CMC2: variants seen among roughly 807,000 people sequenced by gnomAD.
CMC2 encodes COX assembly mitochondrial protein 2 homolog.
In CMC2, 5 loss-of-function variants were observed where a neutral mutation model predicts 7.5. The observed-to-expected ratio is 0.66, with a 90% CI of 0.35 to 1.40. The LOEUF (loss-of-function observed/expected upper bound fraction) is 1.40, where lower values mean the gene tolerates loss of function less well. Ranked by LOEUF, CMC2 falls within the 40% of genes most tolerant of loss-of-function variation. The probability of loss-of-function intolerance (pLI) is 0.04; values close to 1 mark genes in which losing one functional copy is unlikely to be tolerated. For missense variants in CMC2, 115 were observed against 92.3 expected, an observed-to-expected ratio of 1.25 and a Z score of -1.01; for synonymous variants, 37 against 31.4, an observed-to-expected ratio of 1.18 and a Z score of -0.60.
intron 2 of CMC2, among the ~76,000 whole-genome samples, chr16:80,991,314 A>C (rs1224881068): frequency 1.3e-5 from 2 of 152,036 alleles, no homozygotes; most frequent in Non-Finnish European, 2.9e-5. Context: ...AAGAGTTATG[A>C]AAAGGGAGAA....
chr16:81,004,285 C>G (rs1969078223), intron 1 of CMC2, among the ~76,000 whole-genome samples: 1 of 152,162 alleles, frequency 6.6e-6, no homozygotes, highest in Non-Finnish European at 1.5e-5. Context: ...AACATAAGAC[C>G]TCGTTCTTGG....
chr16:80,997,478 C>T, intron 1 of CMC2, 49 bp from the exon 2 acceptor site: 2 of 944,838 alleles, frequency 2.1e-6, no homozygotes, highest in Admixed American at 1.8e-5. Context: ...TTTGTTACGC[C>T]ACCTAAAAGT....
At chr16:80,981,326 G>T (rs1241526048) in intron 3 of CMC2, among the ~76,000 whole-genome samples, 1 of 152,154 alleles carries the variant, frequency 6.6e-6, no homozygotes, top group East Asian at 1.9e-4. Flanking sequence ...TTCAGGAGAT[G>T]ACAGTGTTCC....
intron 3 of CMC2, chr16:80,978,543 C>A (rs1167855224): frequency 5.4e-6 from 2 of 371,796 alleles, no homozygotes; most frequent in South Asian, 2.3e-5. Context: ...AAAGAGAATG[C>A]CACAAAAGTA....
chr16:80,986,597 A>G (rs1967558471), intron 2 of CMC2, among the ~76,000 whole-genome samples: 1 of 152,236 alleles, frequency 6.6e-6, no homozygotes, highest in Non-Finnish European at 1.5e-5. Context: ...GGCCCCAATA[A>G]AAGTGTTGCC....
Position 80,975,990 on chromosome 16 carries a change from C to G in CMC2, c.*103G>C. 3 of 701,310 alleles carry G rather than the reference C, an allele frequency of 4.3e-6. No individual in the cohort carries two copies. The highest frequency in any genetic ancestry group is 7.6e-6 in the Non-Finnish European group (3 of 395,116). The allele number at this position is 701,310 out of a possible 1,614,324, so 43.4% of individuals were successfully genotyped here. ...GGTTCAATCTCTCACAGGTCACTTT[C>G]CATTCAAAGGATTATGGAGACCAAA... On this transcript the variant is annotated 3_prime_UTR_variant, in exon 4 of 4. Transcript: ENST00000219400.
rs141303491 is a variant in CMC2, at chr16:80,991,277, T to C, written c.81+6037A>G. On this transcript the variant is annotated intron_variant, in intron 2 of 3. Coordinates refer to ENST00000219400, the MANE Select transcript of CMC2 (RefSeq NM_020188.5). The stretch of plus-strand genomic sequence containing the variant: ...AGGGTAACTTCCCAGTCCTTACGTG[T>C]AGGCTGCACACAGTGACTTCCTTCC... Among the ~76,000 whole-genome samples, 224 of 152,246 alleles carry C rather than the reference T, an allele frequency of 1.5e-3. 1 individual carries two copies. Among genetic ancestry groups the C allele is most frequent in the African/African-American group, 5.2e-3 (218 of 41,544 alleles).
Position 80,970,012 on chromosome 16 carries a change from G to A in CMC2, c.*6081C>T, listed in dbSNP as rs1292903368. On this transcript the variant is annotated 3_prime_UTR_variant, in exon 4 of 4. Coordinates refer to ENST00000219400, the MANE Select transcript of CMC2 (RefSeq NM_020188.5). The stretch of plus-strand genomic sequence containing the variant: ...GATATTAACACAAGACTAGCGGTGA[G>A]CATTAAGTATGTCTTTATTGTTTAT... The A allele has an allele frequency of 1.3e-5, 2 of 152,174 alleles. No individual in the cohort carries two copies. The allele number at this position is 152,174 out of a possible 1,614,324, so 9.4% of individuals were successfully genotyped here.
chr16:80,988,933 C>G (rs532718928), intron 2 of CMC2, among the ~76,000 whole-genome samples: 25 of 152,212 alleles, frequency 1.6e-4, no homozygotes, highest in African/African-American at 5.8e-4. Context: ...GCAAAATGCT[C>G]CCCCACGTGG....
chr16:81,000,178 A>G (rs1266388396), intron 1 of CMC2, among the ~76,000 whole-genome samples: 1 of 152,212 alleles, frequency 6.6e-6, no homozygotes, highest in African/African-American at 2.4e-5. Flanking sequence ...TAATTCAACA[A>G]GTAAAAAATA....
intron 1 of CMC2, among the ~76,000 whole-genome samples, chr16:81,004,860 G>A (rs527243545): frequency 7.9e-5 from 12 of 152,342 alleles, no homozygotes; most frequent in African/African-American, 2.4e-4. Context: ...AGCCAGCGCT[G>A]TATTAACTCT....
At chr16:81,003,247 C>T (rs762898079) in intron 1 of CMC2, among the ~76,000 whole-genome samples, 1 of 152,222 alleles carries the variant, frequency 6.6e-6, no homozygotes, top group Non-Finnish European at 1.5e-5. Context: ...ATTCTAGTAA[C>T]ACAATTTAAC....
chr16:80,997,977 G>A (rs1030959060), intron 1 of CMC2: 10 of 151,824 alleles, frequency 6.6e-5, no homozygotes, highest in Admixed American at 2.6e-4. Flanking sequence ...AACAGATATA[G>A]CCATAAAACT....
At chr16:80,990,940 A>C (rs968530194) in intron 2 of CMC2, among the ~76,000 whole-genome samples, 17 of 151,082 alleles carry the variant, frequency 1.1e-4, no homozygotes, top group Non-Finnish European at 1.5e-5. Context: ...TTGCCCATGT[A>C]GGTCTTGAAC....
Position 80,973,716 on chromosome 16 carries a change from G to C in CMC2, c.*2377C>G, listed in dbSNP as rs865998511. The C allele has an allele frequency of 1.3e-5, 2 of 152,180 alleles. No individual in the cohort carries two copies. Among genetic ancestry groups the C allele is most frequent in the Admixed American group, 6.5e-5 (1 of 15,272 alleles). 9.4% of individuals were successfully genotyped at this position (152,180 alleles called of 1,614,324 possible). ...CCTCCCCCTTGCTCACTGTGCTCCA[G>C]TTCACTAGCATTTTATTTGTCAAAC... On this transcript the variant is annotated 3_prime_UTR_variant, in exon 4 of 4. Coordinates refer to ENST00000219400, the MANE Select transcript of CMC2 (RefSeq NM_020188.5).
chr16:81,001,005 T>C (rs1248852199), intron 1 of CMC2, among the ~76,000 whole-genome samples: 5 of 152,188 alleles, frequency 3.3e-5, no homozygotes, highest in Non-Finnish European at 7.3e-5. Context: ...CATGGAATAC[T>C]AAACAGCCAT....
chr16:80,973,231 C>T lies in CMC2; in HGVS notation c.*2862G>A, dbSNP rs946411781. 3.9e-5 allele frequency: 6 copies of T among 152,244 alleles called. No individual in the cohort carries two copies. Among genetic ancestry groups the T allele is most frequent in the Non-Finnish European group, 8.8e-5 (6 of 68,104 alleles). 9.4% of individuals were successfully genotyped at this position (152,244 alleles called of 1,614,324 possible). On this transcript the variant is annotated 3_prime_UTR_variant, in exon 4 of 4. Transcript: ENST00000219400. ...CCGGCTTGGGATGAGTTCTAGAGGCCTGGCCCTTCCTTCTGCCTCATATTA... is the reference window on the plus strand; with the variant it reads ...CCGGCTTGGGATGAGTTCTAGAGGCTTGGCCCTTCCTTCTGCCTCATATTA...
At chr16:80,980,883 T>G (rs755816124) in intron 3 of CMC2, 2 of 695,850 alleles carry the variant, frequency 2.9e-6, no homozygotes, top group South Asian at 3.0e-5. Context: ...CAAGAACCTG[T>G]CTCAAAAGAA....
chr16:80,991,150 A>T (rs1409802622), intron 2 of CMC2, among the ~76,000 whole-genome samples: 2 of 152,134 alleles, frequency 1.3e-5, no homozygotes, highest in Non-Finnish European at 1.5e-5. Context: ...GTAAATATAC[A>T]TGAGTCCATA....
Sources: gnomAD v4.1 joint callset for allele counts (sites outside exome capture counted in the v4.1 genomes callset) on GRCh38, gnomAD v4.1.1 for gene constraint, MANE v1.5 for transcripts, NCBI Gene and HGNC (gene_info 2026-07-23, HGNC 2026-07-21) for gene names.